The following STK3 variants were observed in gnomAD, a reference collection of about 807,000 sequenced individuals.
STK3 encodes the protein serine/threonine-protein kinase 3.
A neutral mutation model predicts 58.0 loss-of-function variants in STK3; 41 were observed. The observed-to-expected ratio is 0.71, with a 90% confidence interval of 0.55 to 0.92. STK3 has a LOEUF of 0.92. Ranked by LOEUF, STK3 falls within the 40% of genes least tolerant of loss-of-function variation. STK3 has a pLI of 0.00. For synonymous variants in STK3, 170 were observed against 191.0 expected (o/e 0.89, Z 0.91); for missense variants, 479 against 602.7 (o/e 0.79, Z 2.15).
chr8:98,767,779 C>T (rs933840745), intron 2 of STK3, among the ~76,000 whole-genome samples: 1 of 152,212 alleles, frequency 6.6e-6, no homozygotes, highest in African/African-American at 2.4e-5. Context: ...AAAAGTCACA[C>T]TTCTGTTCAG....
chr8:98,852,198 C>T (rs907793888), intron 3 of STK3, among the ~76,000 whole-genome samples: 4 of 151,038 alleles, frequency 2.6e-5, no homozygotes, highest in African/African-American at 7.3e-5. Flanking sequence ...AGTGCAATGG[C>T]GTGATCTTGG....
At chr8:98,388,500 T>C (rs944420311), upstream of STK3, among the ~76,000 whole-genome samples, 4 of 152,208 alleles carry the variant, frequency 2.6e-5, no homozygotes, top group Non-Finnish European at 5.9e-5. Context: ...CCACCACTTA[T>C]GAAGTATTCT....
chr8:98,725,231 A>G (rs1587429021), intron 4 of STK3, among the ~76,000 whole-genome samples: 1 of 152,326 alleles, frequency 6.6e-6, no homozygotes, highest in East Asian at 1.9e-4. Context: ...AAGGTATAAA[A>G]CATCACATAT....
rs367966509 is a variant in STK3, at chr8:98,773,941, C to T, written c.107+798G>A. 1.1e-4 allele frequency among the ~76,000 whole-genome samples: 16 copies of T among 152,090 alleles called. No homozygotes were observed. The East Asian group carries it at 2.7e-3, about 26-fold the overall frequency. ...CTTCCCGAATAGCTGGGATTACAGG[C>T]ACCCGCTACCACGCCCAGCTAATTT... On this transcript the variant is annotated intron_variant, in intron 2 of 10. Transcript: ENST00000419617.
chr8:98,419,243 C>T (rs1393160757), intron 3 of STK3, among the ~76,000 whole-genome samples: 1 of 152,096 alleles, frequency 6.6e-6, no homozygotes, highest in African/African-American at 2.4e-5. Flanking sequence ...CACATATAAT[C>T]CCACCTACTT....
chr8:98,840,703 T>G (rs1055779776), intron 3 of STK3, among the ~76,000 whole-genome samples: 3 of 150,746 alleles, frequency 2.0e-5, no homozygotes, highest in African/African-American at 7.3e-5. Flanking sequence ...TAATTGCCTA[T>G]TGCCGAATAT....
At chr8:98,928,886 T>C (rs917896148) in intron 1 of STK3, among the ~76,000 whole-genome samples, 2 of 152,204 alleles carry the variant, frequency 1.3e-5, no homozygotes, top group Non-Finnish European at 2.9e-5. Context: ...TTAACAACTG[T>C]ATGGACTACT....
At chr8:98,390,747 T>C (rs1367814203), upstream of STK3, among the ~76,000 whole-genome samples, 1 of 152,174 alleles carries the variant, frequency 6.6e-6, no homozygotes, top group African/African-American at 2.4e-5. Context: ...TTTCTCTGTT[T>C]TTTAGATTAG....
At chr8:98,826,987 A>G (rs1314889493), upstream of STK3, among the ~76,000 whole-genome samples, 1 of 129,460 alleles carries the variant, frequency 7.7e-6, no homozygotes, top group Non-Finnish European at 1.6e-5. Flanking sequence ...TTCCATATAT[A>G]CCTTTCACAT....
intron 6 of STK3, among the ~76,000 whole-genome samples, chr8:98,653,008 C>T (rs1401934682): frequency 6.6e-5 from 10 of 152,192 alleles, no homozygotes; most frequent in South Asian, 2.1e-4. Flanking sequence ...GAACTCTCCA[C>T]CCCAAATCAA....
At chr8:98,592,613 T>G (rs1183577105) in intron 7 of STK3, among the ~76,000 whole-genome samples, 1 of 152,074 alleles carries the variant, frequency 6.6e-6, no homozygotes, top group Non-Finnish European at 1.5e-5. Context: ...TTCTTATTGC[T>G]CTACACTCCT....
At chr8:98,598,662 T>A (rs982829244) in intron 6 of STK3, 1 of 985,270 alleles carries the variant, frequency 1.0e-6, no homozygotes, top group Admixed American at 6.2e-5. Flanking sequence ...AATCAGTGGC[T>A]CACTTTAGAC....
Position 98,543,489 on chromosome 8 carries a change from G to C in STK3, c.1141+4480C>G, listed in dbSNP as rs1008829550. Among the ~76,000 whole-genome samples the C allele has an allele frequency of 1.4e-4, 22 of 152,072 alleles. 1 individual carries two copies. Among genetic ancestry groups the C allele is most frequent in the African/African-American group, 5.1e-4 (21 of 41,402 alleles). On this transcript the variant is annotated intron_variant, in intron 9 of 10. Coordinates refer to ENST00000419617, the MANE Select transcript of STK3 (RefSeq NM_006281.4). ...AAGCAGAGATCATGAGAAGAGAATA[G>C]GGATATTTAGGGGGCAGAACTGATG...
chr8:98,860,920 T>C (rs972170535), intron 3 of STK3, among the ~76,000 whole-genome samples: 8 of 151,788 alleles, frequency 5.3e-5, no homozygotes, highest in Non-Finnish European at 1.0e-4. Flanking sequence ...ATTAGCCAGG[T>C]GTGGTGGTGC....
chr8:98,413,812 T>A (rs995734992), intron 3 of STK3: 2 of 608,436 alleles, frequency 3.3e-6, no homozygotes, highest in African/African-American at 3.7e-5. Context: ...GCCTCAGGGT[T>A]CACCCACAAA....
At chr8:98,472,951 T>C (rs1275554112) in intron 10 of STK3, among the ~76,000 whole-genome samples, 1 of 152,052 alleles carries the variant, frequency 6.6e-6, no homozygotes, top group Admixed American at 6.6e-5. Context: ...GTCCAAAAAT[T>C]ATGAGATTAA....
At chr8:98,410,356 T>A (rs545778435) in intron 3 of STK3, among the ~76,000 whole-genome samples, 1 of 152,224 alleles carries the variant, frequency 6.6e-6, no homozygotes, top group African/African-American at 2.4e-5. Flanking sequence ...GCTGTTCAGA[T>A]TGGGGACCCC....
chr8:98,798,837 G>C (rs1833341439), intron 1 of STK3, among the ~76,000 whole-genome samples: 1 of 152,134 alleles, frequency 6.6e-6, no homozygotes, highest in Non-Finnish European at 1.5e-5. Flanking sequence ...GAGGTAATTA[G>C]GTCATGAGGG....
intron 1 of STK3, among the ~76,000 whole-genome samples, chr8:98,443,023 C>A (rs1818755614): frequency 6.6e-6 from 1 of 151,558 alleles, no homozygotes; most frequent in Non-Finnish European, 1.5e-5. Flanking sequence ...AACCCAGACT[C>A]TGTTTTTCTC....
Sources: allele counts gnomAD v4.1 joint callset (sites outside exome capture counted in the v4.1 genomes callset), GRCh38; gene constraint gnomAD v4.1.1; transcripts MANE v1.5; gene names NCBI Gene and HGNC (gene_info 2026-07-23, HGNC 2026-07-21).